Variants in STOX1 observed in about 807,000 individuals in gnomAD.
STOX1 encodes storkhead box 1, also known as storkhead-box protein 1.
STOX1 carries 57 observed loss-of-function variants against 74.8 expected under a neutral mutation model. That is an observed-to-expected ratio of 0.76 (90% CI 0.62 to 0.95). The LOEUF (loss-of-function observed/expected upper bound fraction) is 0.95, where lower values mean the gene tolerates loss of function less well. STOX1 is among the 40% of genes least tolerant of loss of function. The probability of loss-of-function intolerance (pLI) is 0.00; values close to 1 mark genes in which losing one functional copy is unlikely to be tolerated. For missense variants in STOX1, 1,010 were observed against 1,117.0 expected, an observed-to-expected ratio of 0.90 and a Z score of 1.37; for synonymous variants, 375 against 401.3, an observed-to-expected ratio of 0.93 and a Z score of 0.78.
chr10:68,862,787 A>G (rs12413685), intron 1 of STOX1, among the ~76,000 whole-genome samples: 9,631 of 152,178 alleles, frequency 0.063, 463 homozygotes, highest in African/African-American at 0.12. Context: ...GGACCAATCA[A>G]TAATGATTCC....
chr10:68,891,882 G>A (rs1841108547), intron 3 of STOX1, among the ~76,000 whole-genome samples: 1 of 151,864 alleles, frequency 6.6e-6, no homozygotes, highest in African/African-American at 2.4e-5. Context: ...TGTAGTGGGT[G>A]CGATCTTGGC....
chr10:68,870,175 C>A (rs2133578723), intron 1 of STOX1, among the ~76,000 whole-genome samples: 1 of 152,142 alleles, frequency 6.6e-6, no homozygotes, highest in Admixed American at 6.5e-5. Flanking sequence ...CTCCTAACTT[C>A]CTAAACTTGT....
rs556190148 is a variant in STOX1 at position 68,865,036 on chromosome 10, C to G, written c.311-16922C>G. Among the ~76,000 whole-genome samples, 31 of 151,864 alleles carry G rather than the reference C, an allele frequency of 2.0e-4. 1 individual carries two copies. In the South Asian group the frequency reaches 6.0e-3, roughly 29 times the overall value. ...AATTTTGCCAGGAGCTATAATTAAA[C>G]CGGCACAAGAAACCAAATTTTGCAA... On this transcript the variant is annotated intron_variant, in intron 1 of 3. Coordinates refer to ENST00000298596, the MANE Select transcript of STOX1 (RefSeq NM_152709.5).
chr10:68,857,572 ATAACT>A (rs1054178236), intron 1 of STOX1, among the ~76,000 whole-genome samples: 12 of 152,124 alleles, frequency 7.9e-5, no homozygotes, highest in African/African-American at 2.9e-4. Flanking sequence ...CAGTTGTAAA[ATAACT>A]TAGCTAAGGA....
At chr10:68,846,134 A>G (rs1430930399) in intron 1 of STOX1, among the ~76,000 whole-genome samples, 2 of 140,964 alleles carry the variant, frequency 1.4e-5, no homozygotes, top group African/African-American at 5.6e-5. Flanking sequence ...TATTATTATT[A>G]TTATTATTAT....
At chr10:68,857,327 C>G (rs747432445) in intron 1 of STOX1, among the ~76,000 whole-genome samples, 22 of 151,980 alleles carry the variant, frequency 1.4e-4, no homozygotes, top group Non-Finnish European at 2.8e-4. Flanking sequence ...GCAACTGCTT[C>G]CCTCCCCTCC....
intron 1 of STOX1, among the ~76,000 whole-genome samples, chr10:68,842,536 C>CTTTTTTTTTTTTT (rs11332701): frequency 1.4e-5 from 1 of 71,970 alleles, no homozygotes; most frequent in African/African-American, 5.2e-5. Context: ...TGTACCATTT[C>CTTTTTTTTTTTTT]TTTTTTTTTT....
intron 1 of STOX1, among the ~76,000 whole-genome samples, chr10:68,869,171 A>T (rs143823275): frequency 6.6e-6 from 1 of 152,350 alleles, no homozygotes; most frequent in African/African-American, 2.4e-5. Context: ...ACTGAGTCCT[A>T]GTCCTACCAA....
intron 1 of STOX1, among the ~76,000 whole-genome samples, chr10:68,865,371 C>A (rs368280161): frequency 2.0e-5 from 3 of 152,186 alleles, no homozygotes. Flanking sequence ...AGTTTTTGGC[C>A]GGGCGCAGTG....
intron 1 of STOX1, among the ~76,000 whole-genome samples, chr10:68,879,967 C>T (rs1386598363): frequency 1.3e-5 from 2 of 152,126 alleles, no homozygotes; most frequent in African/African-American, 4.8e-5. Flanking sequence ...TCCCAGGAAG[C>T]ACCTCAGTCC....
Position 68,886,025 on chromosome 10 carries a change from T to TG in STOX1, c.2230dup (p.Glu744GlyfsTer3), listed in dbSNP as rs1471913626. 1 of 1,614,212 alleles carries TG rather than the reference T, an allele frequency of 6.2e-7. No homozygotes were observed. Among genetic ancestry groups the TG allele is most frequent in the East Asian group, 2.2e-5 (1 of 44,884 alleles). ...TATATCTAGAGGAGGATGACATTTC[T>TG]GAGAATGACGACTTACGTCAAATGC... On this transcript the variant is annotated frameshift_variant, in exon 3 of 4. Transcript: ENST00000298596. LOFTEE classifies it high-confidence loss of function.
intron 1 of STOX1, among the ~76,000 whole-genome samples, chr10:68,844,701 C>T (rs1264576307): frequency 6.6e-6 from 1 of 152,122 alleles, no homozygotes; most frequent in Non-Finnish European, 1.5e-5. Flanking sequence ...GATACAAGTC[C>T]TTTGTCAGAT....
chr10:68,862,247 TA>T (rs1385420818), intron 1 of STOX1, among the ~76,000 whole-genome samples: 2 of 151,838 alleles, frequency 1.3e-5, no homozygotes, highest in African/African-American at 4.9e-5. Context: ...AGAATTTCAG[TA>T]ATAATATGTA....
intron 1 of STOX1, among the ~76,000 whole-genome samples, chr10:68,863,003 T>G (rs1189130037): frequency 6.6e-6 from 1 of 152,094 alleles, no homozygotes; most frequent in Non-Finnish European, 1.5e-5. Flanking sequence ...TGTCCAGGCA[T>G]TATTGCCAGC....
At chr10:68,879,293 C>T (rs1840752696) in intron 1 of STOX1, among the ~76,000 whole-genome samples, 1 of 151,712 alleles carries the variant, frequency 6.6e-6, no homozygotes, top group Non-Finnish European at 1.5e-5. Context: ...CCATTTTTCC[C>T]TCCTCTCATT....
Position 68,885,303 on chromosome 10 carries a change from C to T in STOX1, c.1507C>T (p.Arg503Ter), listed in dbSNP as rs748452469. ...ISNPFQGLSH[R>*]GSTISKGHKI... ...TAATCCTTTCCAGGGTTTGTCTCAC[C>T]GAGGAAGCACAATATCCAAAGGGCA... The change falls in exon 3 of 4, where the codon CGA becomes TGA. Residue 503 changes from arginine (R) to a stop codon, truncating the protein, a stop_gained. Transcript: ENST00000298596. LOFTEE classifies it high-confidence loss of function. 19 of 1,613,974 alleles carry T rather than the reference C, an allele frequency of 1.2e-5. No individual in the cohort carries two copies. In the East Asian group the frequency reaches 2.0e-4, roughly 17 times the overall value.
chr10:68,865,186 G>A (rs549113869), intron 1 of STOX1, among the ~76,000 whole-genome samples: 4 of 152,310 alleles, frequency 2.6e-5, no homozygotes, highest in East Asian at 1.9e-4. Flanking sequence ...CCCTACATAC[G>A]TCTGGCAAAT....
At chr10:68,875,330 C>G (rs1381426999) in intron 1 of STOX1, among the ~76,000 whole-genome samples, 1 of 152,218 alleles carries the variant, frequency 6.6e-6, no homozygotes, top group Admixed American at 6.5e-5. Flanking sequence ...TCATCTGTAA[C>G]TGGAAGATTT....
intron 1 of STOX1, 45 bp from the exon 2 acceptor site, chr10:68,881,913 A>G (rs1054634452): frequency 1.5e-5 from 24 of 1,611,604 alleles, no homozygotes; most frequent in Non-Finnish European, 1.9e-5. Context: ...ATACTATATC[A>G]AATTTATCAA....
Sources: gnomAD v4.1 joint callset for allele counts (sites outside exome capture counted in the v4.1 genomes callset) on GRCh38, gnomAD v4.1.1 for gene constraint, MANE v1.5 for transcripts, NCBI Gene and HGNC (gene_info 2026-07-23, HGNC 2026-07-21) for gene names.